Variants in ERI2 observed in about 807,000 individuals in gnomAD.
The protein encoded by ERI2 is ERI1 exoribonuclease 2.
ERI2 carries 35 observed loss-of-function variants against 46.8 expected under a neutral mutation model. The ratio of observed to expected loss-of-function variants is 0.75; its 90% CI spans 0.57 to 0.99. ERI2 has a LOEUF of 0.99. Among genes scored for constraint, ERI2 ranks in the 50% least tolerant of loss-of-function variants. The pLI is 0.00. For missense variants in ERI2, 695 were observed against 796.2 expected, an observed-to-expected ratio of 0.87 and a Z score of 1.53; for synonymous variants, 224 against 271.0, an observed-to-expected ratio of 0.83 and a Z score of 1.70.
chr16:20,788,946 C>T (rs982048689), intron 10 of ERI2, among the ~76,000 whole-genome samples: 2 of 152,154 alleles, frequency 1.3e-5, no homozygotes, highest in Non-Finnish European at 2.9e-5. Flanking sequence ...TCATTCAGCA[C>T]ATAAGCCCCT....
In ERI2 at chr16:20,798,958, T is replaced by C. The variant is rs1005721231; in HGVS notation, c.842A>G (p.Lys281Arg). The C allele has an allele frequency of 5.0e-5, 77 of 1,550,432 alleles. No individual in the cohort carries two copies. Among genetic ancestry groups the C allele is most frequent in the Non-Finnish European group, 6.5e-5 (74 of 1,146,658 alleles). ...ISIQGPSIYNKEPKNIINPHE... is the reference protein window; with the variant it reads ...ISIQGPSIYNREPKNIINPHE... Reference sequence around the variant, plus strand: ...AGGATTTATTATATTTTTAGGCTCCTTATTATATATGCTGGGACCCTGGAT... The same window carrying C: ...AGGATTTATTATATTTTTAGGCTCCCTATTATATATGCTGGGACCCTGGAT... Residue 281 changes from lysine to arginine, a missense_variant, in exon 9 of 9, where the codon AAG becomes AGG. Transcript: ENST00000357967.
In ERI2 at chr16:20,780,854, G is replaced by C. The variant is rs779380694; in HGVS notation, c.895-120C>G. 6 of 1,614,102 alleles carry C rather than the reference G, an allele frequency of 3.7e-6. No homozygotes were observed. The highest frequency in any genetic ancestry group is 5.1e-6 in the Non-Finnish European group (6 of 1,180,040). ...TTTGGTTTAGGATTATCTGTAAATG[G>C]AAGGTATACTTTCACAAAAGTGCAG... On this transcript the variant is annotated intron_variant, in intron 10 of 10. Transcript: ENST00000300005.
rs754155030 is a variant in ERI2 at position 20,800,310 on chromosome 16, T to C, written c.553A>G (p.Thr185Ala). ...FLNSWIDLRA[T>A]YKLFYRRKPK... ...CCATTTTTTACCATTACCTTGTAAG[T>C]TGCTCTGAGATCAATCCAAGAATTT... The change falls in exon 6 of 9, where the codon ACT becomes GCT. Residue 185 changes from threonine (T) to alanine (A), a missense_variant. By Grantham distance (58) the Thr-to-Ala change is moderately conservative. Coordinates refer to ENST00000357967, the MANE Select transcript of ERI2 (RefSeq NM_001142725.2). 3 of 1,602,632 alleles carry C rather than the reference T, an allele frequency of 1.9e-6. No homozygotes were observed. Among genetic ancestry groups the C allele is most frequent in the South Asian group, 2.2e-5 (2 of 89,254 alleles).
chr16:20,800,343 C>T lies in ERI2; in HGVS notation c.520G>A (p.Val174Met). The T allele has an allele frequency of 6.2e-7, 1 of 1,610,486 alleles. No homozygotes were observed. The highest frequency in any genetic ancestry group is 8.5e-7 in the Non-Finnish European group (1 of 1,177,878). The change falls in exon 6 of 9, where the codon GTG (valine) becomes ATG (methionine). Residue 174 changes from valine to methionine, a missense_variant. By Grantham distance (21) the Val-to-Met change is conservative. Coordinates refer to ENST00000357967, the MANE Select transcript of ERI2 (RefSeq NM_001142725.2). The part of the protein sequence containing the change: ...ECKRKQLLKP[V>M]FLNSWIDLRA... The stretch of plus-strand genomic sequence containing the variant: ...AGATCAATCCAAGAATTTAAAAACA[C>T]AGGTTTTAACAGCTGCTTTCTTTTA...
At chr16:20,782,272 G>C (rs1264202813) in intron 10 of ERI2, among the ~76,000 whole-genome samples, 1 of 151,910 alleles carries the variant, frequency 6.6e-6, no homozygotes, top group Admixed American at 6.6e-5. Flanking sequence ...TAGGGTTTTG[G>C]GAAACAGGTG....
chr16:20,794,453 G>A (rs1014524968), downstream of ERI2, among the ~76,000 whole-genome samples: 27 of 152,146 alleles, frequency 1.8e-4, no homozygotes, highest in Non-Finnish European at 3.8e-4. Context: ...CACTTGAAAT[G>A]TGGCTAGTGT....
Position 20,798,786 on chromosome 16 carries a change from A to G in ERI2, c.1014T>C (p.Ser338=). 1.3e-6 allele frequency: 2 copies of G among 1,551,656 alleles called. No individual in the cohort carries two copies. The highest frequency in any genetic ancestry group is 1.7e-6 in the Non-Finnish European group (2 of 1,146,920). ...LPLFNTKSST[S]VGQLQSPTLN... ...AGGTAGGAGACTGCAACTGCCCCAC[A>G]GAAGTAGAGGACTTAGTATTAAAAA... Residue 338 remains serine (S), a synonymous_variant, in exon 9 of 9, where the codon TCT becomes TCC. Transcript: ENST00000357967.
chr16:20,780,745 A>G (rs757706508), intron 10 of ERI2: 11 of 1,614,204 alleles, frequency 6.8e-6, no homozygotes, highest in African/African-American at 1.3e-5. Context: ...CTGTGTGAAG[A>G]CAAAACACAA....
chr16:20,800,038 G>A lies in ERI2; in HGVS notation c.562C>T (p.Leu188Phe). ...SWIDLRATYK[L>F]FYRRKPKGLS... ...CCTTTTGGTTTTCTCCTATAGAAAA[G>A]CTAACCAATAAAAAAAGATATATTT... The change falls in exon 7 of 9, where the codon CTT (leucine) becomes TTT (phenylalanine). Residue 188 changes from leucine (L) to phenylalanine (F), a missense_variant and splice_region_variant. Leu to Phe is a conservative substitution (Grantham distance 22). Coordinates refer to ENST00000357967, the MANE Select transcript of ERI2 (RefSeq NM_001142725.2). 1 of 1,549,566 alleles carries A rather than the reference G, an allele frequency of 6.5e-7. No individual in the cohort carries two copies. The highest frequency in any genetic ancestry group is 2.3e-5 in the East Asian group (1 of 44,378).
At position 20,804,492 on chromosome 16, in the gene ERI2, C is replaced by T. The variant is rs368610042; in HGVS notation, c.24-822G>A. Reference sequence around the variant, plus strand: ...CCAGCCTGAGCAACATGGTGAAACCCCGTCTCTACAAAAATTATAAAACCT... The same window carrying T: ...CCAGCCTGAGCAACATGGTGAAACCTCGTCTCTACAAAAATTATAAAACCT... On this transcript the variant is annotated intron_variant, in intron 1 of 8. Transcript: ENST00000357967. Among the ~76,000 whole-genome samples, 293 of 152,006 alleles carry T rather than the reference C, an allele frequency of 1.9e-3. 1 individual carries two copies. Among genetic ancestry groups the T allele is most frequent in the African/African-American group, 6.7e-3 (279 of 41,454 alleles).
At chr16:20,795,172 A>G (rs2080695498), downstream of ERI2, among the ~76,000 whole-genome samples, 1 of 152,212 alleles carries the variant, frequency 6.6e-6, no homozygotes, top group South Asian at 2.1e-4. Context: ...GTAAATTAAA[A>G]ATGTTCAAGT....
In ERI2 at chr16:20,802,871, C is replaced by T. The variant is rs774608809; in HGVS notation, c.228G>A (p.Glu76=). ...CCTGAGGTTGAACATAAGCCTGGAA[C>T]TCAGAGTCAATCTGTCCAGTTGATG... is the stretch of plus-strand genomic sequence containing the variant. The part of the protein sequence containing the change: ...LNTSTGQIDS[E]FQAYVQPQEH... Residue 76 remains glutamate, a synonymous_variant, in exon 4 of 9, where the codon GAG becomes GAA. Coordinates refer to ENST00000357967, the MANE Select transcript of ERI2 (RefSeq NM_001142725.2). 1.9e-6 allele frequency: 3 copies of T among 1,611,450 alleles called. No homozygotes were observed. The South Asian group carries it at 3.3e-5, about 18-fold the overall frequency.
chr16:20,801,735 TTTGCTGTGTATTTA>T (rs1177446704), intron 4 of ERI2, among the ~76,000 whole-genome samples: 1 of 152,184 alleles, frequency 6.6e-6, no homozygotes, highest in Non-Finnish European at 1.5e-5. Context: ...TTATTCTTCC[TTTGCTGTGTATTTA>T]TTTAATTTTT....
Position 20,797,856 on chromosome 16 carries a change from G to A in ERI2, c.1944C>T (p.Ala648=), listed in dbSNP as rs1335987942. Reference sequence around the variant, plus strand: ...TGGAATGAGATGGAACCATGCTGTTGGCTCTTTCCTTTTGAAGTGTTTGTT... The same window carrying A: ...TGGAATGAGATGGAACCATGCTGTTAGCTCTTTCCTTTTGAAGTGTTTGTT... ...KWEQTLQKER[A]NSMVPSHSTG... is the part of the protein sequence containing the mutation. Residue 648 remains alanine (A), a synonymous_variant, in exon 9 of 9, where the codon GCC becomes GCT. Coordinates refer to ENST00000357967, the MANE Select transcript of ERI2 (RefSeq NM_001142725.2). 8.4e-6 allele frequency: 13 copies of A among 1,551,524 alleles called. No individual in the cohort carries two copies. The highest frequency in any genetic ancestry group is 9.6e-6 in the Non-Finnish European group (11 of 1,146,874).
At chr16:20,800,543 T>G (rs551434514) in intron 5 of ERI2, 141 bp from the exon 6 acceptor site, 191 of 462,268 alleles carry the variant, frequency 4.1e-4, no homozygotes, top group African/African-American at 3.5e-3. Context: ...TATCTAAAAA[T>G]TATTCACTTT....
intron 10 of ERI2, chr16:20,786,018 T>C (rs1483734623): frequency 8.3e-7 from 1 of 1,200,800 alleles, no homozygotes; most frequent in Non-Finnish European, 1.2e-6. Context: ...GAATGCATGA[T>C]AGATGAATAA....
At chr16:20,791,229 C>T (rs914084274) in intron 8 of ERI2, among the ~76,000 whole-genome samples, 5 of 152,162 alleles carry the variant, frequency 3.3e-5, no homozygotes, top group Admixed American at 2.6e-4. Flanking sequence ...GTAACAGTAT[C>T]TTGTTTTTTC....
In ERI2 at chr16:20,790,588, T is replaced by C; in HGVS notation, c.815+262A>G. On this transcript the variant is annotated intron_variant, in intron 9 of 10. Transcript: ENST00000300005. The surrounding 1 kb of genome is among the most constrained non-coding windows in gnomAD (Gnocchi z 4.0). ...ATAAATTGTTCTATTTTATCCTAGA[T>C]TGTAGATGTAAATGGCAATGTTCTA... 6.2e-7 allele frequency: 1 copy of C among 1,613,064 alleles called. No individual in the cohort carries two copies. The highest frequency in any genetic ancestry group is 8.5e-7 in the Non-Finnish European group (1 of 1,179,012).
chr16:20,787,983 TGTG>T (rs1187975222), intron 10 of ERI2, among the ~76,000 whole-genome samples: 5 of 152,214 alleles, frequency 3.3e-5, no homozygotes, highest in African/African-American at 1.2e-4. Flanking sequence ...ATAGGTTTCT[TGTG>T]GTGATTAAAG....
Sources: allele counts gnomAD v4.1 joint callset (sites outside exome capture counted in the v4.1 genomes callset), GRCh38; gene constraint gnomAD v4.1.1; non-coding constraint Gnocchi (gnomAD v3.1); transcripts MANE v1.5; gene names NCBI Gene and HGNC (gene_info 2026-07-23, HGNC 2026-07-21).